The following CRPPA variants were observed in gnomAD, a reference collection of about 807,000 sequenced individuals.
CRPPA encodes D-ribitol-5-phosphate cytidylyltransferase.
In CRPPA, 43 loss-of-function variants were observed where a neutral mutation model predicts 52.0. That is an observed-to-expected ratio of 0.83 (90% CI 0.65 to 1.07). CRPPA has a LOEUF of 1.07. Among genes scored for constraint, CRPPA ranks in the 50% least tolerant of loss-of-function variants. The pLI, the probability that CRPPA is intolerant of heterozygous loss-of-function variation, is 0.00. For missense variants in CRPPA, 629 were observed against 551.7 expected (o/e 1.14, Z -1.40); for synonymous variants, 250 against 203.5 (o/e 1.23, Z -1.94).
At chr7:16,300,773 C>T (rs573768686) in intron 5 of CRPPA, among the ~76,000 whole-genome samples, 17 of 152,290 alleles carry the variant, frequency 1.1e-4, no homozygotes, top group African/African-American at 3.6e-4. Context: ...TACAAAAATA[C>T]AGAAAGACTG....
chr7:16,389,618 T>A (rs1787383769), intron 2 of CRPPA, among the ~76,000 whole-genome samples: 1 of 151,442 alleles, frequency 6.6e-6, no homozygotes, highest in South Asian at 2.1e-4. Flanking sequence ...TGAAAAAGAG[T>A]GTTTGTGAAA....
chr7:16,100,816 G>T (rs1782029640), intron 9 of CRPPA, among the ~76,000 whole-genome samples: 1 of 152,114 alleles, frequency 6.6e-6, no homozygotes. Flanking sequence ...ATTATTTTGA[G>T]ATATGTTCCA....
rs565928502 is a variant in CRPPA, at chr7:16,255,207, T to C, written c.1119+3183A>G. 3.3e-5 allele frequency among the ~76,000 whole-genome samples: 5 copies of C among 152,094 alleles called. No homozygotes were observed. The South Asian group carries it at 8.3e-4, about 25-fold the overall frequency. On this transcript the variant is annotated intron_variant, in intron 8 of 9. Coordinates refer to ENST00000407010, the MANE Select transcript of CRPPA (RefSeq NM_001101426.4). ...CCATTCACAATTGCTACAAAGAGAA[T>C]AAAATACCTAGGAATCCAACTTTCA...
At chr7:16,396,838 G>A (rs368238233) in intron 2 of CRPPA, among the ~76,000 whole-genome samples, 60 of 152,342 alleles carry the variant, frequency 3.9e-4, no homozygotes, top group East Asian at 3.7e-3. Context: ...TACGCTATAC[G>A]TATGTGACAC....
At chr7:16,165,035 G>A (rs1781021939) in intron 9 of CRPPA, among the ~76,000 whole-genome samples, 2 of 152,062 alleles carry the variant, frequency 1.3e-5, no homozygotes, top group African/African-American at 2.4e-5. Flanking sequence ...ATTGTGCTGG[G>A]AGATCCGCTG....
chr7:16,237,415 T>C (rs1363958933), intron 8 of CRPPA: 1 of 152,146 alleles, frequency 6.6e-6, no homozygotes, highest in African/African-American at 2.4e-5. Flanking sequence ...CCTCAGGTGG[T>C]GAGAACAAAC....
At chr7:16,141,854 G>A (rs1782879044) in intron 9 of CRPPA, among the ~76,000 whole-genome samples, 1 of 152,108 alleles carries the variant, frequency 6.6e-6, no homozygotes, top group South Asian at 2.1e-4. Context: ...CTCCTGTGGT[G>A]CTCCTTGGGT....
At chr7:16,194,695 T>C (rs1781691902) in intron 9 of CRPPA, among the ~76,000 whole-genome samples, 1 of 152,142 alleles carries the variant, frequency 6.6e-6, no homozygotes, top group Non-Finnish European at 1.5e-5. Context: ...GTGTATAAAT[T>C]ATACTCTCAA....
In CRPPA at chr7:16,216,212, A is replaced by T. The variant is rs748561561; in HGVS notation, c.1120-15T>A. 1 of 1,522,440 alleles carries T rather than the reference A, an allele frequency of 6.6e-7. No homozygotes were observed. Among genetic ancestry groups the T allele is most frequent in the Non-Finnish European group, 9.0e-7 (1 of 1,116,790 alleles). 94.3% of individuals were successfully genotyped at this position (1,522,440 alleles called of 1,614,324 possible). On this transcript the variant is annotated splice_polypyrimidine_tract_variant and intron_variant, in intron 8 of 9. Coordinates refer to ENST00000407010, the MANE Select transcript of CRPPA (RefSeq NM_001101426.4). ...AGAAAATGAACCTGCAAAATATAAA[A>T]GACAGTATTTAGAATATCATTCCCT...
intron 9 of CRPPA, among the ~76,000 whole-genome samples, chr7:16,206,609 G>C (rs1241306330): frequency 6.6e-6 from 1 of 151,756 alleles, no homozygotes; most frequent in East Asian, 1.9e-4. Context: ...ATGATTACAA[G>C]GTAAAATTTT....
At chr7:16,283,999 A>C (rs1784371908) in intron 5 of CRPPA, among the ~76,000 whole-genome samples, 1 of 152,104 alleles carries the variant, frequency 6.6e-6, no homozygotes, top group Non-Finnish European at 1.5e-5. Context: ...GCATATTGAT[A>C]CTTTGGCAGC....
chr7:16,366,802 A>T (rs1201260670), intron 3 of CRPPA, among the ~76,000 whole-genome samples: 1 of 152,102 alleles, frequency 6.6e-6, no homozygotes, highest in Admixed American at 6.5e-5. Flanking sequence ...AAATAAAAAA[A>T]AAAAAACATG....
chr7:16,116,877 A>G (rs934984728), intron 9 of CRPPA, among the ~76,000 whole-genome samples: 1 of 152,196 alleles, frequency 6.6e-6, no homozygotes. Flanking sequence ...GAGTTAATCA[A>G]TGTTAACCAC....
rs758960564 is a variant in CRPPA at position 16,406,139 on chromosome 7, C to G, written c.456G>C (p.Val152=). Residue 152 remains valine (V), a synonymous_variant, in exon 2 of 10, where the codon GTG becomes GTC. Coordinates refer to ENST00000407010, the MANE Select transcript of CRPPA (RefSeq NM_001101426.4). ...INSKLSKPEV[V]IIHDAVRPFV... ...ATGGTCTCACAGCATCATGGATAATCACTACTTCTGGCTTAGAGAGTTTAG... is the reference window on the plus strand; with the variant it reads ...ATGGTCTCACAGCATCATGGATAATGACTACTTCTGGCTTAGAGAGTTTAG... The G allele has an allele frequency of 6.2e-7, 1 of 1,613,982 alleles. No homozygotes were observed. Among genetic ancestry groups the G allele is most frequent in the South Asian group, 1.1e-5 (1 of 91,084 alleles).
chr7:16,307,032 A>G (rs1264044834), intron 4 of CRPPA, among the ~76,000 whole-genome samples: 1 of 152,168 alleles, frequency 6.6e-6, no homozygotes, highest in Non-Finnish European at 1.5e-5. Flanking sequence ...TGATCATGTT[A>G]CTGTGCAAAA....
chr7:16,362,063 C>G (rs1211151994), intron 3 of CRPPA, among the ~76,000 whole-genome samples: 1 of 152,110 alleles, frequency 6.6e-6, no homozygotes, highest in Non-Finnish European at 1.5e-5. Context: ...ACCATGTTAG[C>G]CAGGATGGTC....
At chr7:16,158,729 T>A (rs1006800824) in intron 9 of CRPPA, among the ~76,000 whole-genome samples, 1 of 152,118 alleles carries the variant, frequency 6.6e-6, no homozygotes, top group Admixed American at 6.5e-5. Context: ...TCCTTATATA[T>A]CCAATAGTAT....
chr7:16,358,573 G>A (rs1786364922), intron 3 of CRPPA, among the ~76,000 whole-genome samples: 1 of 152,080 alleles, frequency 6.6e-6, no homozygotes, highest in Non-Finnish European at 1.5e-5. Context: ...AGAGGGTTGG[G>A]CATGCTATTC....
chr7:16,241,945 T>TC (rs1783120326), intron 8 of CRPPA, among the ~76,000 whole-genome samples: 2 of 125,502 alleles, frequency 1.6e-5, no homozygotes, highest in African/African-American at 6.3e-5. Context: ...AAAAATCTAT[T>TC]CTTTTTTTTT....
Sources: gnomAD v4.1 joint callset for allele counts (sites outside exome capture counted in the v4.1 genomes callset) on GRCh38, gnomAD v4.1.1 for gene constraint, MANE v1.5 for transcripts, NCBI Gene and HGNC (gene_info 2026-07-23, HGNC 2026-07-21) for gene names.